Variants in TMTC4 observed in about 807,000 individuals in gnomAD.
The protein encoded by TMTC4 is transmembrane O-mannosyltransferase targeting cadherins 4.
Under a neutral mutation model 86.0 loss-of-function variants are expected in TMTC4, and 65 were observed. That is an observed-to-expected ratio of 0.76 (90% confidence interval 0.62 to 0.93). The LOEUF (loss-of-function observed/expected upper bound fraction) is 0.93, where lower values mean the gene tolerates loss of function less well. Ranked by LOEUF, TMTC4 falls within the 40% of genes least tolerant of loss-of-function variation. The probability of loss-of-function intolerance (pLI) is 0.00; values close to 1 mark genes in which losing one functional copy is unlikely to be tolerated. For synonymous variants in TMTC4, 379 were observed against 382.5 expected (o/e 0.99, Z 0.11); for missense variants, 866 against 948.1 (o/e 0.91, Z 1.14).
At chr13:100,607,210 G>A (rs1876766691) in intron 17 of TMTC4, among the ~76,000 whole-genome samples, 1 of 152,146 alleles carries the variant, frequency 6.6e-6, no homozygotes. Flanking sequence ...TTCCTTAAGG[G>A]GAGCATGCTT....
intron 12 of TMTC4, among the ~76,000 whole-genome samples, chr13:100,626,601 CA>C (rs1354020241): frequency 1.3e-5 from 2 of 152,272 alleles, no homozygotes; most frequent in African/African-American, 2.4e-5. Context: ...GCTGGGACTA[CA>C]GGCATACACC....
intron 6 of TMTC4, among the ~76,000 whole-genome samples, chr13:100,655,016 ATTTTTTT>A (rs35965658): frequency 3.4e-5 from 4 of 118,642 alleles, no homozygotes; most frequent in African/African-American, 1.3e-4. Context: ...CACAACGCCT[ATTTTTTT>A]TTTTTTTTTT....
chr13:100,666,823 AC>A (rs1886448046), intron 3 of TMTC4, among the ~76,000 whole-genome samples: 2 of 152,280 alleles, frequency 1.3e-5, no homozygotes, highest in South Asian at 4.1e-4. Context: ...CTCTGTCTCT[AC>A]AAAAAAATTT....
intron 17 of TMTC4, among the ~76,000 whole-genome samples, chr13:100,609,226 G>C (rs539561393): frequency 1.3e-5 from 2 of 152,280 alleles, no homozygotes; most frequent in South Asian, 4.1e-4. Flanking sequence ...AGAGAGCTCA[G>C]AGCCTTGGCC....
chr13:100,605,157 GA>G lies in TMTC4; in HGVS notation c.2135-16del, dbSNP rs751101823. On this transcript the variant is annotated splice_polypyrimidine_tract_variant and intron_variant, in intron 18 of 18. Coordinates refer to ENST00000342624, the MANE Select transcript of TMTC4 (RefSeq NM_032813.5). The surrounding 1 kb of genome is among the most constrained non-coding windows in gnomAD (Gnocchi z 4.3). ...ATAAAGCACAGCTGAAATAGCAGGA[GA>G]TAAATTTCACTGGGAATGCTTCTGA... is the stretch of plus-strand genomic sequence containing the variant. 1 of 1,606,330 alleles carries G rather than the reference GA, an allele frequency of 6.2e-7. No homozygotes were observed. The highest frequency in any genetic ancestry group is 8.5e-7 in the Non-Finnish European group (1 of 1,176,680).
upstream of TMTC4, chr13:100,674,850 A>C: frequency 2.1e-6 from 2 of 969,358 alleles, no homozygotes; most frequent in Non-Finnish European, 2.4e-6. Context: ...CCCGCCGCGC[A>C]CCCGACCCCC....
intron 15 of TMTC4, among the ~76,000 whole-genome samples, chr13:100,618,799 G>T (rs1398972128): frequency 6.6e-6 from 1 of 152,210 alleles, no homozygotes; most frequent in Non-Finnish European, 1.5e-5. Context: ...AGAGCACAGG[G>T]TTGGGGGTAA....
chr13:100,609,704 CAT>C (rs1370814803), intron 17 of TMTC4, among the ~76,000 whole-genome samples: 1 of 152,000 alleles, frequency 6.6e-6, no homozygotes, highest in African/African-American at 2.4e-5. Context: ...CACACACACC[CAT>C]ACATATATAC....
intron 6 of TMTC4, among the ~76,000 whole-genome samples, chr13:100,644,821 C>CT (rs35998489): frequency 0.33 from 49,628 of 149,116 alleles, 8,450 homozygotes; most frequent in East Asian, 0.59. Flanking sequence ...AACGAACATA[C>CT]TTTTTTTTTT....
In TMTC4 at chr13:100,604,967, C is replaced by A; in HGVS notation, c.*27G>T. On this transcript the variant is annotated 3_prime_UTR_variant, in exon 19 of 19. Coordinates refer to ENST00000342624, the MANE Select transcript of TMTC4 (RefSeq NM_032813.5). ...GATATGCCTCATGCACACACACACT[C>A]AAACTCAAAACATGAAGGAAACAGG... The A allele has an allele frequency of 6.2e-7, 1 of 1,609,062 alleles. No individual in the cohort carries two copies.
chr13:100,632,082 C>G (rs867757115), intron 12 of TMTC4, among the ~76,000 whole-genome samples: 66 of 148,722 alleles, frequency 4.4e-4, no homozygotes, highest in South Asian at 2.3e-3. Context: ...CTCTCTCTCT[C>G]TCTCTCTCTC....
At chr13:100,647,248 A>G (rs1883872065) in intron 6 of TMTC4, among the ~76,000 whole-genome samples, 1 of 152,202 alleles carries the variant, frequency 6.6e-6, no homozygotes, top group Non-Finnish European at 1.5e-5. Flanking sequence ...ATTAATTACC[A>G]TGGGATCTCA....
chr13:100,674,840 C>T (rs1178245394), upstream of TMTC4: 2 of 975,696 alleles, frequency 2.0e-6, no homozygotes, highest in Non-Finnish European at 2.4e-6. Flanking sequence ...GGAGGGGCCG[C>T]CCGCCGCGCA....
At chr13:100,671,359 T>G (rs1887078490) in intron 1 of TMTC4, among the ~76,000 whole-genome samples, 1 of 152,172 alleles carries the variant, frequency 6.6e-6, no homozygotes, top group Non-Finnish European at 1.5e-5. Context: ...AAGGTTCAAA[T>G]GGCCTTCTAA....
chr13:100,651,745 G>A (rs1402861373), intron 6 of TMTC4, among the ~76,000 whole-genome samples: 1 of 151,938 alleles, frequency 6.6e-6, no homozygotes, highest in Non-Finnish European at 1.5e-5. Context: ...TTAATTTTTT[G>A]TTCCCTTATA....
intron 6 of TMTC4, among the ~76,000 whole-genome samples, chr13:100,651,722 A>G (rs2138970191): frequency 6.6e-6 from 1 of 152,314 alleles, no homozygotes; most frequent in South Asian, 2.1e-4. Flanking sequence ...TTGAATCATT[A>G]ATTTCAGAGT....
intron 9 of TMTC4, 100 bp downstream of exon 9, chr13:100,637,438 T>C (rs987067614): frequency 3.2e-5 from 46 of 1,448,730 alleles, no homozygotes; most frequent in Non-Finnish European, 3.7e-5. Context: ...TTGGGGATTT[T>C]GTTGGCGTGC....
In TMTC4 at chr13:100,637,582, C is replaced by T. The variant is rs570994391; in HGVS notation, c.955G>A (p.Glu319Lys). 8.7e-6 allele frequency: 14 copies of T among 1,614,152 alleles called. No homozygotes were observed. The highest frequency in any genetic ancestry group is 4.4e-5 in the South Asian group (4 of 91,080). The change falls in exon 9 of 19, where the codon GAG becomes AAG. Residue 319 changes from glutamate to lysine, a missense_variant. Physicochemically the swap from Glu to Lys is moderately conservative, Grantham distance 56. Transcript: ENST00000342624. The part of the protein sequence containing the change: ...IMGTGPPAFT[E>K]VDNPASFADS... ...GCAAAGGAGGCCGGGTTGTCCACCT[C>T]GGTGAAGGCCGGCGGGCCCGTGCCC... is the stretch of plus-strand genomic sequence containing the variant.
chr13:100,672,717 C>G (rs1488455766), intron 1 of TMTC4, among the ~76,000 whole-genome samples: 9 of 152,120 alleles, frequency 5.9e-5, no homozygotes, highest in African/African-American at 1.9e-4. Context: ...GAATCAAACT[C>G]CTGGCTTCAA....
Sources: allele counts gnomAD v4.1 joint callset (sites outside exome capture counted in the v4.1 genomes callset), GRCh38; gene constraint gnomAD v4.1.1; non-coding constraint Gnocchi (gnomAD v3.1); transcripts MANE v1.5; gene names NCBI Gene and HGNC (gene_info 2026-07-23, HGNC 2026-07-21).